TIAM1: variants seen among roughly 807,000 people sequenced by gnomAD.
TIAM1 encodes rho guanine nucleotide exchange factor TIAM1.
TIAM1 carries 65 observed loss-of-function variants against 163.5 expected under a neutral mutation model. The observed-to-expected ratio is 0.40, with a 90% CI of 0.33 to 0.49. The LOEUF is 0.49. TIAM1 is among the 20% of genes least tolerant of loss of function. The pLI is 0.77. For missense variants in TIAM1, 1,789 were observed against 2,044.7 expected (o/e 0.87, Z 2.41); for synonymous variants, 833 against 810.1 (o/e 1.03, Z -0.48).
intron 2 of TIAM1, among the ~76,000 whole-genome samples, chr21:31,453,727 TA>T (rs542702694): frequency 7.4e-5 from 9 of 121,296 alleles, no homozygotes; most frequent in Middle Eastern, 4.5e-3. Flanking sequence ...AATAAATAAA[TA>T]AATAAATTTT....
chr21:31,206,095 A>G (rs928959449), intron 11 of TIAM1, among the ~76,000 whole-genome samples: 1 of 152,216 alleles, frequency 6.6e-6, no homozygotes, highest in Non-Finnish European at 1.5e-5. Flanking sequence ...CAAGCAGCAA[A>G]CATGAAAATT....
intron 2 of TIAM1, among the ~76,000 whole-genome samples, chr21:31,355,844 G>A (rs1602082356): frequency 1.3e-5 from 2 of 151,904 alleles, no homozygotes; most frequent in African/African-American, 2.4e-5. Flanking sequence ...AGCACTGCGC[G>A]CCCGGCTATT....
chr21:31,508,805 G>C (rs533573781), intron 1 of TIAM1, among the ~76,000 whole-genome samples: 18 of 152,242 alleles, frequency 1.2e-4, no homozygotes, highest in Admixed American at 2.6e-4. Flanking sequence ...GCGTTGAAGT[G>C]GTCCTAAGGT....
At chr21:31,129,627 C>T (rs1406499921) in intron 25 of TIAM1, among the ~76,000 whole-genome samples, 1 of 152,190 alleles carries the variant, frequency 6.6e-6, no homozygotes, top group Non-Finnish European at 1.5e-5. Context: ...ATGATAGCAC[C>T]ACTGCTCTCC....
At chr21:31,127,837 G>A (rs570769655) in intron 25 of TIAM1, among the ~76,000 whole-genome samples, 19 of 152,238 alleles carry the variant, frequency 1.2e-4, no homozygotes, top group Non-Finnish European at 2.2e-4. Flanking sequence ...GATTTCATCC[G>A]GCCAGGGATA....
chr21:31,221,875 G>A (rs1468561028), intron 8 of TIAM1, among the ~76,000 whole-genome samples: 1 of 152,180 alleles, frequency 6.6e-6, no homozygotes. Flanking sequence ...AAAAATTGGT[G>A]TCCAGGTCTC....
intron 2 of TIAM1, among the ~76,000 whole-genome samples, chr21:31,439,170 CA>C (rs1388140587): frequency 6.6e-6 from 1 of 152,236 alleles, no homozygotes; most frequent in African/African-American, 2.4e-5. Context: ...TGAACAGGAA[CA>C]GGGGGTAGCC....
chr21:31,202,787 T>C (rs991723704), intron 12 of TIAM1, 121 bp downstream of exon 12: 3 of 906,956 alleles, frequency 3.3e-6, no homozygotes, highest in African/African-American at 1.7e-5. Flanking sequence ...TTAAGGGCTA[T>C]GAATGAAGCT....
chr21:31,131,776 T>C (rs953300249), intron 23 of TIAM1, among the ~76,000 whole-genome samples: 1 of 152,214 alleles, frequency 6.6e-6, no homozygotes, highest in East Asian at 1.9e-4. Context: ...ACCCTTGTGA[T>C]GGTTTCAGGA....
rs1355192820 is a variant in TIAM1, at chr21:31,252,112, G to A, written c.1041C>T (p.Ser347=). 2.5e-6 allele frequency: 4 copies of A among 1,613,442 alleles called. No individual in the cohort carries two copies. Among genetic ancestry groups the A allele is most frequent in the Non-Finnish European group, 3.4e-6 (4 of 1,180,042 alleles). ...EGATTDTDLL[S]RRSNATNSSY... ...TGGAGTTGGTGGCATTAGATCGCCT[G>A]GACAGGAGGTCCGTGTCGGTAGTGG... Residue 347 remains serine (S), a synonymous_variant, in exon 5 of 28, where the codon TCC becomes TCT. Transcript: ENST00000541036.
At chr21:31,438,608 C>A (rs915232835) in intron 2 of TIAM1, among the ~76,000 whole-genome samples, 2 of 152,148 alleles carry the variant, frequency 1.3e-5, no homozygotes, top group Non-Finnish European at 2.9e-5. Flanking sequence ...CATGATGTAA[C>A]CCTTTTCCCT....
intron 23 of TIAM1, among the ~76,000 whole-genome samples, chr21:31,134,754 G>T (rs2082554554): frequency 6.6e-6 from 1 of 152,054 alleles, no homozygotes; most frequent in Non-Finnish European, 1.5e-5. Context: ...CAAGTGATCC[G>T]TCCACCTTGG....
chr21:31,390,992 G>C lies in TIAM1; in HGVS notation c.-368-51570C>G, dbSNP rs548913760. ...CCAGCCACGCCTCTTCTTAAAGGCA[G>C]ACAGGCAGATACCTTTCTAGATGAT... is the stretch of plus-strand genomic sequence containing the variant. On this transcript the variant is annotated intron_variant, in intron 2 of 28. Transcript: ENST00000286827. 4.6e-5 allele frequency among the ~76,000 whole-genome samples: 7 copies of C among 152,292 alleles called. 1 individual carries two copies. The East Asian group carries it at 1.4e-3, about 29-fold the overall frequency.
chr21:31,522,965 C>T (rs11701920), intron 1 of TIAM1, among the ~76,000 whole-genome samples: 20,858 of 152,156 alleles, frequency 0.14, 1,605 homozygotes, highest in Non-Finnish European at 0.17. Context: ...AATAATTCAC[C>T]GACCAGCTAT....
At chr21:31,160,684 T>C (rs1385604189) in intron 16 of TIAM1, 2 of 394,040 alleles carry the variant, frequency 5.1e-6, no homozygotes, top group Non-Finnish European at 8.9e-6. Flanking sequence ...GGTTTTCCCA[T>C]GAAAATCTAC....
intron 2 of TIAM1, among the ~76,000 whole-genome samples, chr21:31,420,831 G>A (rs536382318): frequency 4.5e-4 from 68 of 152,188 alleles, no homozygotes; most frequent in Admixed American, 4.3e-3. Context: ...GTGTAATTAA[G>A]ATGAAGTCGG....
intron 4 of TIAM1, among the ~76,000 whole-genome samples, chr21:31,252,965 C>G (rs1394210563): frequency 6.6e-6 from 1 of 152,234 alleles, no homozygotes; most frequent in African/African-American, 2.4e-5. Flanking sequence ...AATGACAGCT[C>G]GGGGCAACTG....
chr21:31,525,018 GGAAA>G (rs2047730648), intron 1 of TIAM1, among the ~76,000 whole-genome samples: 4 of 152,076 alleles, frequency 2.6e-5, no homozygotes, highest in Admixed American at 1.3e-4. Flanking sequence ...CATGGTGGAA[GGAAA>G]AGGGGGAGCG....
At chr21:31,472,491 C>T (rs1167922859) in intron 1 of TIAM1, among the ~76,000 whole-genome samples, 1 of 152,122 alleles carries the variant, frequency 6.6e-6, no homozygotes, top group Non-Finnish European at 1.5e-5. Flanking sequence ...CGTGCCACTG[C>T]ACTCCAGCCT....
Sources: allele counts gnomAD v4.1 joint callset (sites outside exome capture counted in the v4.1 genomes callset), GRCh38; gene constraint gnomAD v4.1.1; transcripts MANE v1.5; gene names NCBI Gene and HGNC (gene_info 2026-07-23, HGNC 2026-07-21).